BMPR2: variants seen among roughly 807,000 people sequenced by gnomAD.
BMPR2 encodes bone morphogenetic protein receptor type-2.
Under a neutral mutation model 100.8 loss-of-function variants are expected in BMPR2, and 29 were observed. That is an observed-to-expected ratio of 0.29 (90% CI 0.21 to 0.39). The LOEUF is 0.39. BMPR2 is among the 10% of genes least tolerant of loss of function. BMPR2 has a pLI of 1.00. For missense variants in BMPR2, 1,011 were observed against 1,274.5 expected, an observed-to-expected ratio of 0.79 and a Z score of 3.15; for synonymous variants, 382 against 442.3, an observed-to-expected ratio of 0.86 and a Z score of 1.71.
At chr2:202,500,984 C>A (rs564183304) in intron 3 of BMPR2, among the ~76,000 whole-genome samples, 9 of 152,264 alleles carry the variant, frequency 5.9e-5, no homozygotes, top group Admixed American at 5.9e-4. Flanking sequence ...GGCACTGGCC[C>A]AAGATCTAAG....
chr2:202,537,471 G>A (rs1574497699), intron 9 of BMPR2, among the ~76,000 whole-genome samples: 1 of 152,122 alleles, frequency 6.6e-6, no homozygotes, highest in South Asian at 2.1e-4. Flanking sequence ...AAATATGTAG[G>A]ATTAATTAAA....
intron 7 of BMPR2, among the ~76,000 whole-genome samples, chr2:202,527,330 C>CA (rs1018906096): frequency 7.3e-5 from 11 of 150,200 alleles, no homozygotes; most frequent in African/African-American, 2.0e-4. Context: ...ACTAAAAATA[C>CA]AAAAAAAATT....
chr2:202,508,108 AT>A (rs1687560760), intron 3 of BMPR2, among the ~76,000 whole-genome samples: 1 of 128,152 alleles, frequency 7.8e-6, no homozygotes, highest in African/African-American at 2.9e-5. Flanking sequence ...TATTATTATT[AT>A]TATTTTTGAG....
intron 3 of BMPR2, among the ~76,000 whole-genome samples, chr2:202,473,774 G>C (rs1480274053): frequency 6.6e-6 from 1 of 151,058 alleles, no homozygotes; most frequent in South Asian, 2.1e-4. Context: ...CTGGGCGACA[G>C]AGTGAGACAC....
rs1334078809 is a variant in BMPR2, at chr2:202,555,730, T to C, written c.2065T>C (p.Ser689Pro). 3 of 1,614,036 alleles carry C rather than the reference T, an allele frequency of 1.9e-6. No individual in the cohort carries two copies. The highest frequency in any genetic ancestry group is 1.7e-5 in the Admixed American group (1 of 59,994). ...CTCTGATGAGAATCTCATGGAGCAC[T>C]CTCTTAAACAGTTCAGTGGCCCAGA... The part of the protein sequence containing the change: ...ESSDENLMEH[S>P]LKQFSGPDPL... The change falls in exon 12 of 13, where the codon TCT becomes CCT. Residue 689 changes from serine (S) to proline (P), a missense_variant. Physicochemically the swap from Ser to Pro is moderately conservative, Grantham distance 74. Coordinates refer to ENST00000374580, the MANE Select transcript of BMPR2 (RefSeq NM_001204.7).
intron 9 of BMPR2, among the ~76,000 whole-genome samples, chr2:202,538,297 T>C (rs1001548692): frequency 5.3e-5 from 8 of 151,006 alleles, no homozygotes; most frequent in Non-Finnish European, 1.2e-4. Flanking sequence ...CTACTAAAAA[T>C]ATTTAAAAAT....
At chr2:202,494,134 A>C (rs1324359475) in intron 3 of BMPR2, among the ~76,000 whole-genome samples, 1 of 152,238 alleles carries the variant, frequency 6.6e-6, no homozygotes. Flanking sequence ...TGAGCTCCAC[A>C]ATAAATCATA....
At chr2:202,407,003 A>G (rs1690905909) in intron 1 of BMPR2, among the ~76,000 whole-genome samples, 1 of 151,454 alleles carries the variant, frequency 6.6e-6, no homozygotes, top group African/African-American at 2.4e-5. Context: ...GCTGGAGTGC[A>G]GTGGTGTGAT....
At chr2:202,490,320 A>G (rs1692875046) in intron 3 of BMPR2, among the ~76,000 whole-genome samples, 1 of 148,620 alleles carries the variant, frequency 6.7e-6, no homozygotes, top group Admixed American at 6.7e-5. Context: ...AAAGGTATGT[A>G]CACACACACA....
chr2:202,377,801 T>TA (rs1245471584), intron 1 of BMPR2, among the ~76,000 whole-genome samples: 2 of 152,194 alleles, frequency 1.3e-5, no homozygotes, highest in African/African-American at 4.8e-5. Flanking sequence ...GAAAAAGACA[T>TA]ATTGGGTGTG....
intron 5 of BMPR2, among the ~76,000 whole-genome samples, chr2:202,518,135 T>TC (rs1353430303): frequency 2.5e-4 from 35 of 137,312 alleles, no homozygotes; most frequent in African/African-American, 9.3e-4. Flanking sequence ...CTCTTTTTTT[T>TC]TTTTTTTTTT....
chr2:202,467,575 A>G lies in BMPR2; in HGVS notation c.304A>G (p.Thr102Ala), dbSNP rs1085307206. 1 of 1,578,308 alleles carries G rather than the reference A, an allele frequency of 6.3e-7. No individual in the cohort carries two copies. Among genetic ancestry groups the G allele is most frequent in the Non-Finnish European group, 8.7e-7 (1 of 1,147,474 alleles). ...GTGTCACTATGAAGAATGTGTAGTA[A>G]CTACCACTCCTCCCTCAATTCAGAA... ...QECHYEECVV[T>A]TTPPSIQNGT... The change falls in exon 3 of 13, where the codon ACT (threonine) becomes GCT (alanine). Residue 102 changes from threonine to alanine, a missense_variant. Around this residue, in one of 6 missense-constraint regions of BMPR2, gnomAD observed 355 missense variants for 455.3 expected, o/e 0.78. Transcript: ENST00000374580.
chr2:202,538,333 G>A (rs1461114179), intron 9 of BMPR2, among the ~76,000 whole-genome samples: 2 of 151,876 alleles, frequency 1.3e-5, no homozygotes, highest in Non-Finnish European at 2.9e-5. Context: ...GCAGTCACCT[G>A]TAATTCTAGC....
intron 1 of BMPR2, among the ~76,000 whole-genome samples, chr2:202,443,973 T>C (rs1691799251): frequency 6.6e-6 from 1 of 150,520 alleles, no homozygotes; most frequent in African/African-American, 2.5e-5. Context: ...ACTAATAACA[T>C]AGTGGTACAA....
intron 1 of BMPR2, among the ~76,000 whole-genome samples, chr2:202,444,945 T>A (rs1329186465): frequency 6.7e-6 from 1 of 150,276 alleles, no homozygotes; most frequent in Non-Finnish European, 1.5e-5. Flanking sequence ...TGCGCCACCA[T>A]GCCTGGCTAA....
In BMPR2 at chr2:202,564,448, C is replaced by A. The variant is rs750353621; in HGVS notation, c.*4502C>A. ...GGAAATTGTAACACTCCCACATAAA[C>A]CCCAGGAGACTTTTTCAGAATGCAA... On this transcript the variant is annotated 3_prime_UTR_variant, in exon 13 of 13. Transcript: ENST00000374580. 2 of 152,204 alleles carry A rather than the reference C, an allele frequency of 1.3e-5. No individual in the cohort carries two copies. The highest frequency in any genetic ancestry group is 4.8e-5 in the African/African-American group (2 of 41,454). The allele number at this position is 152,204 out of a possible 1,614,324, so 9.4% of individuals were successfully genotyped here.
intron 7 of BMPR2, among the ~76,000 whole-genome samples, chr2:202,526,516 A>T (rs1687914813): frequency 1.3e-5 from 2 of 152,212 alleles, no homozygotes; most frequent in South Asian, 4.1e-4. Context: ...GAATTGTCCA[A>T]AGTATTGCCT....
intron 3 of BMPR2, among the ~76,000 whole-genome samples, chr2:202,472,195 T>C (rs944257710): frequency 6.6e-6 from 1 of 152,200 alleles, no homozygotes; most frequent in East Asian, 1.9e-4. Flanking sequence ...TTCCTTTGAT[T>C]TGTTGATGAA....
chr2:202,559,632 C>T (rs1252691718), intron 12 of BMPR2, 64 bp from the exon 13 acceptor site: 2 of 1,557,112 alleles, frequency 1.3e-6, no homozygotes, highest in Non-Finnish European at 1.8e-6. Context: ...TCTTGAGTTA[C>T]ATCCCTTACC....
Sources: allele counts gnomAD v4.1 joint callset (sites outside exome capture counted in the v4.1 genomes callset), GRCh38; gene constraint gnomAD v4.1.1; regional missense constraint gnomAD v4.1.1; transcripts MANE v1.5; gene names NCBI Gene and HGNC (gene_info 2026-07-23, HGNC 2026-07-21).